Variants in IQCJ observed in about 807,000 individuals in gnomAD.
IQCJ encodes the protein IQ motif containing J.
IQCJ carries 9 observed loss-of-function variants against 11.0 expected under a neutral mutation model. The observed-to-expected ratio is 0.82, with a 90% CI of 0.49 to 1.43. IQCJ has a LOEUF of 1.43. Among genes scored for constraint, IQCJ ranks in the 40% most tolerant of loss-of-function variants. The pLI is 0.00. For synonymous variants in IQCJ, 55 were observed against 51.3 expected (o/e 1.07, Z -0.31); for missense variants, 146 against 133.2 (o/e 1.10, Z -0.47).
chr3:159,144,288 T>C (rs1021811080), intron 1 of IQCJ, among the ~76,000 whole-genome samples: 20 of 152,238 alleles, frequency 1.3e-4, no homozygotes, highest in African/African-American at 4.3e-4. Flanking sequence ...TTGTTCTTAC[T>C]ATCCTTATGC....
chr3:159,197,882 T>C (rs1161729241), intron 1 of IQCJ, among the ~76,000 whole-genome samples: 3 of 152,210 alleles, frequency 2.0e-5, no homozygotes, highest in Non-Finnish European at 2.9e-5. Context: ...TGATGTCTTT[T>C]GGTTTTTAAA....
intron 1 of IQCJ, among the ~76,000 whole-genome samples, chr3:159,138,799 T>C (rs1720439490): frequency 6.6e-6 from 1 of 152,262 alleles, no homozygotes. Flanking sequence ...TATTCCCTTT[T>C]GTATTTGGGG....
At chr3:159,230,572 T>C (rs980419704) in intron 1 of IQCJ, among the ~76,000 whole-genome samples, 2 of 152,126 alleles carry the variant, frequency 1.3e-5, no homozygotes, top group African/African-American at 4.8e-5. Context: ...CCCTAAACAG[T>C]GATGCCTGCT....
chr3:159,199,089 A>G (rs60468802), intron 1 of IQCJ, among the ~76,000 whole-genome samples: 38,538 of 152,080 alleles, frequency 0.25, 5,518 homozygotes, highest in South Asian at 0.37. Flanking sequence ...TTGTGTATTC[A>G]GATAGTTGTA....
chr3:159,190,347 C>T (rs941271958), intron 1 of IQCJ, among the ~76,000 whole-genome samples: 2 of 152,254 alleles, frequency 1.3e-5, no homozygotes, highest in East Asian at 3.8e-4. Context: ...ATTTCCTGAG[C>T]ACCTACTTCT....
chr3:159,155,279 T>A (rs1343892081), intron 1 of IQCJ, among the ~76,000 whole-genome samples: 1 of 152,188 alleles, frequency 6.6e-6, no homozygotes, highest in African/African-American at 2.4e-5. Flanking sequence ...TGCCTCAGTC[T>A]CCTGAGTAGC....
intron 1 of IQCJ, among the ~76,000 whole-genome samples, chr3:159,172,413 T>A (rs1319732941): frequency 6.7e-6 from 1 of 149,072 alleles, no homozygotes; most frequent in Non-Finnish European, 1.5e-5. Context: ...CATGCTAAGA[T>A]GATGGAATTT....
intron 1 of IQCJ, chr3:159,069,708 C>G (rs1181488782): frequency 1.0e-5 from 6 of 579,482 alleles, no homozygotes; most frequent in Admixed American, 9.9e-5. Flanking sequence ...GAAAGCAACA[C>G]TTCCTATGAA....
Position 159,263,665 on chromosome 3 carries a change from G to A in IQCJ, c.*934G>A, listed in dbSNP as rs542631584. On this transcript the variant is annotated 3_prime_UTR_variant, in exon 4 of 4. Transcript: ENST00000397832. ...GTAAAAAGGTTTCCCAACACTCAAC[G>A]CAATGTATTCTTTTTGGGATCAGGT... is the stretch of plus-strand genomic sequence containing the variant. 16 of 985,126 alleles carry A rather than the reference G, an allele frequency of 1.6e-5. No individual in the cohort carries two copies. The Admixed American group carries it at 3.1e-4, about 19-fold the overall frequency. 61.0% of individuals were successfully genotyped at this position (985,126 alleles called of 1,614,324 possible).
Position 159,088,775 on chromosome 3 carries a change from G to C in IQCJ, c.9+19334G>C, listed in dbSNP as rs573781954. Among the ~76,000 whole-genome samples, 1,032 of 152,034 alleles carry C rather than the reference G, an allele frequency of 6.8e-3. 13 individuals are homozygous for C. The highest frequency in any genetic ancestry group is 0.024 in the African/African-American group (976 of 41,458). ...TTTTTTGTTTTCCATTTGCTTGGTA[G>C]ATCTTCCTCCATCCTTTTATTTTGA... On this transcript the variant is annotated intron_variant, in intron 1 of 3. Coordinates refer to ENST00000397832, the MANE Select transcript of IQCJ (RefSeq NM_001042706.3).
chr3:159,146,772 T>C lies in IQCJ; in HGVS notation c.9+77331T>C, dbSNP rs1051249841. 2.0e-5 allele frequency among the ~76,000 whole-genome samples: 3 copies of C among 152,352 alleles called. No individual in the cohort carries two copies. The East Asian group carries it at 5.8e-4, about 29-fold the overall frequency. On this transcript the variant is annotated intron_variant, in intron 1 of 3. Coordinates refer to ENST00000397832, the MANE Select transcript of IQCJ (RefSeq NM_001042706.3). ...TAAAAGCTTCAGAATAAAGGAAATA[T>C]GATAATTCTCACTTTATTAATTCAT... is the stretch of plus-strand genomic sequence containing the variant.
intron 1 of IQCJ, among the ~76,000 whole-genome samples, chr3:159,070,857 C>T (rs965314037): frequency 1.3e-5 from 2 of 151,830 alleles, no homozygotes; most frequent in African/African-American, 2.4e-5. Flanking sequence ...GTATTAATGC[C>T]ATCTTGTAGT....
In IQCJ at chr3:159,088,412, A is replaced by G. The variant is rs368836843; in HGVS notation, c.9+18971A>G. On this transcript the variant is annotated intron_variant, in intron 1 of 3. Coordinates refer to ENST00000397832, the MANE Select transcript of IQCJ (RefSeq NM_001042706.3). ...TATATTCTGTTGATTTGGGGTGGAGAGTTCTGTAGATGTCTATTAGGTCCA... is the reference window on the plus strand; with the variant it reads ...TATATTCTGTTGATTTGGGGTGGAGGGTTCTGTAGATGTCTATTAGGTCCA... Among the ~76,000 whole-genome samples the G allele has an allele frequency of 2.6e-4, 40 of 152,068 alleles. No homozygotes were observed. In the South Asian group the frequency reaches 4.6e-3, roughly 17 times the overall value.
intron 3 of IQCJ, among the ~76,000 whole-genome samples, chr3:159,253,750 T>G (rs147821685): frequency 1.7e-3 from 255 of 152,240 alleles, no homozygotes; most frequent in African/African-American, 6.0e-3. Context: ...GAGGAATCTT[T>G]TAGAAAAGAA....
intron 1 of IQCJ, among the ~76,000 whole-genome samples, chr3:159,231,740 G>A (rs1317607916): frequency 1.3e-5 from 2 of 152,250 alleles, no homozygotes; most frequent in East Asian, 3.9e-4. Context: ...GTAGAATTCG[G>A]CTGTGAATCT....
Position 159,093,317 on chromosome 3 carries a change from G to C in IQCJ, c.9+23876G>C, listed in dbSNP as rs1326447145. On this transcript the variant is annotated intron_variant, in intron 1 of 3. Transcript: ENST00000397832. ...AAAATGAATCTACCTCAGTTTCCTA[G>C]AGATTGATCATTTTCAAAGAGAAAA... Among the ~76,000 whole-genome samples the C allele has an allele frequency of 2.0e-5, 3 of 151,946 alleles. No individual in the cohort carries two copies. In the East Asian group the frequency reaches 5.8e-4, roughly 29 times the overall value.
At chr3:159,077,749 C>G (rs550896367) in intron 1 of IQCJ, among the ~76,000 whole-genome samples, 1 of 152,072 alleles carries the variant, frequency 6.6e-6, no homozygotes, top group South Asian at 2.1e-4. Context: ...TTTTCCATTT[C>G]ACTTTATGTA....
chr3:159,155,764 T>C (rs995834839), intron 1 of IQCJ, among the ~76,000 whole-genome samples: 9 of 152,184 alleles, frequency 5.9e-5, no homozygotes, highest in African/African-American at 1.9e-4. Flanking sequence ...GGATTAAAAA[T>C]GTACATACAA....
chr3:159,144,591 T>C (rs957967284), intron 1 of IQCJ, among the ~76,000 whole-genome samples: 4 of 152,102 alleles, frequency 2.6e-5, no homozygotes, highest in Non-Finnish European at 4.4e-5. Flanking sequence ...TCACCTGACT[T>C]CTGACTTCTG....
Sources: gnomAD v4.1 joint callset for allele counts (sites outside exome capture counted in the v4.1 genomes callset) on GRCh38, gnomAD v4.1.1 for gene constraint, MANE v1.5 for transcripts, NCBI Gene and HGNC (gene_info 2026-07-23, HGNC 2026-07-21) for gene names.